RASSF3: variants seen among roughly 807,000 people sequenced by gnomAD.
RASSF3 encodes Ras association domain family member 3, also known as ras association domain-containing protein 3.
Under a neutral mutation model 19.9 loss-of-function variants are expected in RASSF3, and 19 were observed. That is an observed-to-expected ratio of 0.96 (90% confidence interval 0.67 to 1.40). The LOEUF (loss-of-function observed/expected upper bound fraction) is 1.40, where lower values mean the gene tolerates loss of function less well. RASSF3 is among the 40% of genes most tolerant of loss of function. RASSF3 has a pLI of 0.00. For synonymous variants in RASSF3, 110 were observed against 104.2 expected, an observed-to-expected ratio of 1.06 and a Z score of -0.34; for missense variants, 306 against 289.8, an observed-to-expected ratio of 1.06 and a Z score of -0.41.
downstream of RASSF3, among the ~76,000 whole-genome samples, chr12:64,543,526 T>TCCCGCCCCCC (rs1868992094): frequency 2.5e-5 from 1 of 39,604 alleles, no homozygotes; most frequent in East Asian, 2.8e-3. Flanking sequence ...CGCCCCCCGC[T>TCCCGCCCCCC]CTCCCCCGCC....
chr12:64,594,558 C>T (rs1158620348), intron 2 of RASSF3, among the ~76,000 whole-genome samples: 3 of 152,012 alleles, frequency 2.0e-5, no homozygotes, highest in African/African-American at 2.4e-5. Context: ...TTTGAGGTAG[C>T]CTCAAAAGAC....
intron 2 of RASSF3, among the ~76,000 whole-genome samples, chr12:64,570,090 C>G (rs1323304911): frequency 6.6e-6 from 1 of 152,228 alleles, no homozygotes; most frequent in African/African-American, 2.4e-5. Flanking sequence ...CTGTGGCTCA[C>G]TCTACCTTCC....
At chr12:64,553,976 C>CAAAA (rs1021865573) in intron 2 of RASSF3, among the ~76,000 whole-genome samples, 30 of 83,496 alleles carry the variant, frequency 3.6e-4, no homozygotes, top group African/African-American at 1.1e-3. Context: ...GATCCTGTCT[C>CAAAA]AAAAAAAAAA....
At chr12:64,616,932 C>T (rs1488603050) in intron 1 of RASSF3, among the ~76,000 whole-genome samples, 1 of 152,214 alleles carries the variant, frequency 6.6e-6, no homozygotes, top group Non-Finnish European at 1.5e-5. Context: ...TCAGAAAAGT[C>T]TTAAAGCCCG....
rs1437661109 is a variant in RASSF3, at chr12:64,691,550, T to A, written c.538T>A (p.Phe180Ile). The change falls in exon 4 of 5, where the codon TTT becomes ATT. Residue 180 changes from phenylalanine (F) to isoleucine (I), a missense_variant. Coordinates refer to ENST00000542104, the MANE Select transcript of RASSF3 (RefSeq NM_178169.4). ...VAGPRTDTLS[F>I]VLREHEIGEW... ...AGGGCCCAGAACAGACACACTTAGTTTTGTTCTTCGTGAACATGAAATTGG... is the reference window on the plus strand; with the variant it reads ...AGGGCCCAGAACAGACACACTTAGTATTGTTCTTCGTGAACATGAAATTGG... 6.2e-7 allele frequency: 1 copy of A among 1,612,514 alleles called. No individual in the cohort carries two copies. Among genetic ancestry groups the A allele is most frequent in the South Asian group, 1.1e-5 (1 of 91,028 alleles).
intron 1 of RASSF3, among the ~76,000 whole-genome samples, chr12:64,671,499 C>G (rs1026613531): frequency 6.6e-6 from 1 of 152,202 alleles, no homozygotes; most frequent in African/African-American, 2.4e-5. Flanking sequence ...CACACCCTAT[C>G]TGCAACCAAG....
intron 1 of RASSF3, among the ~76,000 whole-genome samples, chr12:64,636,281 A>C (rs1871328423): frequency 6.6e-6 from 1 of 151,854 alleles, no homozygotes; most frequent in South Asian, 2.1e-4. Flanking sequence ...CGCCTGGCTA[A>C]TTTTTATATT....
chr12:64,530,376 C>A (rs1868682346), upstream of RASSF3, among the ~76,000 whole-genome samples: 1 of 151,272 alleles, frequency 6.6e-6, no homozygotes, highest in Non-Finnish European at 1.5e-5. Flanking sequence ...CTCCTGGGCT[C>A]AAGCAATCCA....
chr12:64,612,856 A>T (rs1870419356), intron 1 of RASSF3, among the ~76,000 whole-genome samples: 1 of 152,166 alleles, frequency 6.6e-6, no homozygotes, highest in Non-Finnish European at 1.5e-5. Flanking sequence ...ATTATTTAGC[A>T]TTTAGAATTA....
intron 1 of RASSF3, among the ~76,000 whole-genome samples, chr12:64,649,231 C>T (rs531813966): frequency 3.4e-5 from 5 of 149,054 alleles, no homozygotes; most frequent in East Asian, 4.0e-4. Flanking sequence ...CTCGCTCTGT[C>T]GCCCAGGCTG....
intron 1 of RASSF3, among the ~76,000 whole-genome samples, chr12:64,647,232 G>GTTTT (rs1434921882): frequency 6.7e-6 from 1 of 148,558 alleles, no homozygotes; most frequent in African/African-American, 2.6e-5. Context: ...CTCAGCAAGG[G>GTTTT]TTTTATTTAT....
chr12:64,649,353 C>T (rs943856880), intron 1 of RASSF3, among the ~76,000 whole-genome samples: 6 of 151,916 alleles, frequency 3.9e-5, no homozygotes, highest in South Asian at 4.2e-4. Context: ...CCACCACACC[C>T]GGCTAATTTT....
intron 1 of RASSF3, among the ~76,000 whole-genome samples, chr12:64,523,617 T>G (rs1023638018): frequency 2.0e-5 from 3 of 152,092 alleles, no homozygotes; most frequent in Non-Finnish European, 4.4e-5. Flanking sequence ...CAGGACTCTT[T>G]AAACCCTTTG....
At chr12:64,548,189 A>G (rs1433370201) in intron 2 of RASSF3, among the ~76,000 whole-genome samples, 1 of 151,728 alleles carries the variant, frequency 6.6e-6, no homozygotes, top group African/African-American at 2.4e-5. Flanking sequence ...TATTTTATTT[A>G]TTTATTTTGA....
intron 2 of RASSF3, among the ~76,000 whole-genome samples, chr12:64,685,508 G>A (rs1000170155): frequency 6.6e-6 from 1 of 152,300 alleles, no homozygotes. Context: ...GCCTCCCAAA[G>A]TGCTGGGATT....
chr12:64,689,387 C>T (rs1418231424), intron 3 of RASSF3, among the ~76,000 whole-genome samples: 1 of 152,098 alleles, frequency 6.6e-6, no homozygotes, highest in Non-Finnish European at 1.5e-5. Flanking sequence ...AGTATGCATA[C>T]ATCTTTTTAA....
At chr12:64,649,233 C>G (rs893358951) in intron 1 of RASSF3, among the ~76,000 whole-genome samples, 2 of 151,490 alleles carry the variant, frequency 1.3e-5, no homozygotes, top group African/African-American at 4.9e-5. Context: ...CGCTCTGTCG[C>G]CCAGGCTGGA....
chr12:64,508,833 C>A (rs1240383210), intron 1 of RASSF3, among the ~76,000 whole-genome samples: 1 of 151,894 alleles, frequency 6.6e-6, no homozygotes, highest in Non-Finnish European at 1.5e-5. Flanking sequence ...TTGCGGTGAG[C>A]CGAGATTGTG....
In RASSF3 at chr12:64,584,144, G is replaced by A. The variant is rs1399655960; in HGVS notation, c.294+42439G>A. ...TTCCTCTGATTATAACTTATGAGCTGCAGCAAAACTCAGAAAGAAACAGAA... is the reference window on the plus strand; with the variant it reads ...TTCCTCTGATTATAACTTATGAGCTACAGCAAAACTCAGAAAGAAACAGAA... On this transcript the variant is annotated intron_variant, in intron 2 of 5. Coordinates refer to the RASSF3 transcript ENST00000637125. Among the ~76,000 whole-genome samples, 4 of 152,306 alleles carry A rather than the reference G, an allele frequency of 2.6e-5. No individual in the cohort carries two copies. The East Asian group carries it at 7.7e-4, about 29-fold the overall frequency.
Sources: allele counts gnomAD v4.1 joint callset (sites outside exome capture counted in the v4.1 genomes callset), GRCh38; gene constraint gnomAD v4.1.1; transcripts MANE v1.5; gene names NCBI Gene and HGNC (gene_info 2026-07-23, HGNC 2026-07-21).